Variants in CEP85L observed in about 807,000 individuals in gnomAD.
The protein encoded by CEP85L is centrosomal protein 85L.
Under a neutral mutation model 100.3 loss-of-function variants are expected in CEP85L, and 60 were observed. The observed-to-expected ratio is 0.60, with a 90% CI of 0.49 to 0.74. CEP85L has a LOEUF of 0.74. Among genes scored for constraint, CEP85L ranks in the 30% least tolerant of loss-of-function variants. The pLI is 0.00. For synonymous variants in CEP85L, 319 were observed against 322.7 expected (o/e 0.99, Z 0.12); for missense variants, 973 against 936.2 (o/e 1.04, Z -0.51).
intron 1 of CEP85L, chr6:118,646,852 C>T (rs1041811356): frequency 2.0e-4 from 160 of 807,970 alleles, no homozygotes; most frequent in Non-Finnish European, 2.4e-4. Context: ...TCTCTCAACC[C>T]TTTCTGTTCA....
At chr6:118,658,679 A>G (rs1177057364) in intron 1 of CEP85L, among the ~76,000 whole-genome samples, 1 of 152,178 alleles carries the variant, frequency 6.6e-6, no homozygotes, top group Non-Finnish European at 1.5e-5. Flanking sequence ...TTGTAAATAT[A>G]TGTTAAATAT....
chr6:118,566,187 T>A lies in CEP85L; in HGVS notation c.362A>T (p.Asp121Val), dbSNP rs571191729. 2 of 1,614,044 alleles carry A rather than the reference T, an allele frequency of 1.2e-6. No homozygotes were observed. Among genetic ancestry groups the A allele is most frequent in the African/African-American group, 1.3e-5 (1 of 74,912 alleles). ...GAGGCTTGTACTCCATTTTGAGCCATCTGGTGTCAATGATTCCCTAAGTTT... is the reference window on the plus strand; with the variant it reads ...GAGGCTTGTACTCCATTTTGAGCCAACTGGTGTCAATGATTCCCTAAGTTT... ...ISKLRESLTP[D>V]GSKWSTSLMQ... The change falls in exon 3 of 13, where the codon GAT (aspartate) becomes GTT (valine). Residue 121 changes from aspartate (D) to valine (V), a missense_variant. Physicochemically the swap from Asp to Val is radical, Grantham distance 152. This residue lies in a region of CEP85L where 890 missense variants were observed against 844.5 expected (regional missense o/e 1.05). Transcript: ENST00000368491.
intron 2 of CEP85L, among the ~76,000 whole-genome samples, chr6:118,567,681 T>G (rs989006880): frequency 6.6e-6 from 1 of 152,180 alleles, no homozygotes; most frequent in African/African-American, 2.4e-5. Flanking sequence ...TTGACTCTTA[T>G]ACCAGAAGAT....
rs533959646 is a variant in CEP85L, at chr6:118,498,311, T to C, written c.1258-6446A>G. ...GGGTTCGAGACCAGCCTAGGCAACA[T>C]AGTGAGACCCCCATATCTACAAAAA... On this transcript the variant is annotated intron_variant, in intron 5 of 12. Coordinates refer to ENST00000368491, the MANE Select transcript of CEP85L (RefSeq NM_001042475.3). Among the ~76,000 whole-genome samples the C allele has an allele frequency of 1.4e-3, 208 of 152,116 alleles. 7 individuals are homozygous for C. In the South Asian group the frequency reaches 0.04, roughly 30 times the overall value.
chr6:118,689,940 G>A (rs552564778), intron 1 of CEP85L, among the ~76,000 whole-genome samples: 56 of 144,116 alleles, frequency 3.9e-4, no homozygotes, highest in Non-Finnish European at 6.3e-4. Context: ...TTTTAATAGG[G>A]CTAGGGTCCC....
At chr6:118,703,638 C>T (rs943439952) in intron 1 of CEP85L, among the ~76,000 whole-genome samples, 1 of 152,164 alleles carries the variant, frequency 6.6e-6, no homozygotes, top group East Asian at 1.9e-4. Flanking sequence ...AAATATAATG[C>T]GATGGCTCAG....
intron 3 of CEP85L, among the ~76,000 whole-genome samples, chr6:118,558,197 C>T (rs1389512057): frequency 2.0e-5 from 3 of 152,158 alleles, no homozygotes; most frequent in African/African-American, 2.4e-5. Context: ...GGGAACTGCC[C>T]GCCTTGGCCT....
rs1781216926 is a variant in CEP85L, at chr6:118,592,020, C to A, written c.233-25704G>T. ...TTACGATTTCACAAGCAAAAAAGTTCTTTGTATAACCTCTGACCTGCTACC... is the reference window on the plus strand; with the variant it reads ...TTACGATTTCACAAGCAAAAAAGTTATTTGTATAACCTCTGACCTGCTACC... On this transcript the variant is annotated intron_variant, in intron 2 of 12. Transcript: ENST00000368491. 2.0e-5 allele frequency among the ~76,000 whole-genome samples: 3 copies of A among 152,136 alleles called. No homozygotes were observed. The South Asian group carries it at 6.2e-4, about 32-fold the overall frequency.
intron 2 of CEP85L, among the ~76,000 whole-genome samples, chr6:118,614,314 T>A (rs1437304547): frequency 2.6e-5 from 4 of 152,180 alleles, no homozygotes; most frequent in Non-Finnish European, 5.9e-5. Context: ...ATCTGTGTAA[T>A]CAGAAACAAG....
At chr6:118,549,970 G>A (rs1370946819) in intron 3 of CEP85L, among the ~76,000 whole-genome samples, 1 of 151,830 alleles carries the variant, frequency 6.6e-6, no homozygotes, top group South Asian at 2.1e-4. Context: ...GTCCCAACTA[G>A]TTCATCTATA....
chr6:118,661,352 T>A (rs1775967689), intron 1 of CEP85L, among the ~76,000 whole-genome samples: 1 of 152,074 alleles, frequency 6.6e-6, no homozygotes, highest in Non-Finnish European at 1.5e-5. Flanking sequence ...TTAGAACCTA[T>A]ATCCAGAGTA....
chr6:118,525,676 C>G (rs1776922871), intron 3 of CEP85L, among the ~76,000 whole-genome samples: 1 of 152,200 alleles, frequency 6.6e-6, no homozygotes, highest in Non-Finnish European at 1.5e-5. Flanking sequence ...AAGGAACCAA[C>G]TCTGCCAACA....
At chr6:118,667,750 C>G (rs1776177102) in intron 1 of CEP85L, among the ~76,000 whole-genome samples, 1 of 151,750 alleles carries the variant, frequency 6.6e-6, no homozygotes, top group South Asian at 2.1e-4. Context: ...TAGGTCATTA[C>G]TCCCAGCCCA....
chr6:118,678,752 C>T (rs567298511), intron 1 of CEP85L, among the ~76,000 whole-genome samples: 3 of 152,228 alleles, frequency 2.0e-5, no homozygotes, highest in South Asian at 4.1e-4. Context: ...GCCAACATGG[C>T]GAAACCCCAT....
In CEP85L at chr6:118,502,104, G is replaced by A. The variant is rs530732611; in HGVS notation, c.1257+9194C>T. On this transcript the variant is annotated intron_variant, in intron 5 of 12. Transcript: ENST00000368491. ...TAGGAGAGCCAGAATACTGCCCTAT[G>A]AGACTGGGAATGACAACTGGAAGAC... 1.6e-5 allele frequency: 17 copies of A among 1,059,744 alleles called. No individual in the cohort carries two copies. The Admixed American group carries it at 2.0e-4, about 13-fold the overall frequency. The allele number at this position is 1,059,744 out of a possible 1,614,324, so 65.6% of individuals were successfully genotyped here. A position where few individuals can be genotyped will look rare whatever the true frequency, so the allele number is the denominator to read the frequency against.
intron 2 of CEP85L, among the ~76,000 whole-genome samples, chr6:118,624,975 A>G (rs1459075568): frequency 6.6e-6 from 1 of 152,168 alleles, no homozygotes; most frequent in Non-Finnish European, 1.5e-5. Context: ...TCTCCTAACA[A>G]TCCAACTAAC....
chr6:118,560,687 A>T (rs987428442), intron 3 of CEP85L: 5 of 166,690 alleles, frequency 3.0e-5, no homozygotes, highest in African/African-American at 1.2e-4. Context: ...TAAATTATAG[A>T]TCCAGCTATG....
At chr6:118,471,242 T>C (rs1404855770) in intron 10 of CEP85L, among the ~76,000 whole-genome samples, 3 of 152,074 alleles carry the variant, frequency 2.0e-5, no homozygotes, top group Admixed American at 6.6e-5. Flanking sequence ...CATGACACTA[T>C]TGTGAGTACG....
chr6:118,584,244 C>T (rs549791544), intron 2 of CEP85L, among the ~76,000 whole-genome samples: 1 of 152,160 alleles, frequency 6.6e-6, no homozygotes, highest in Non-Finnish European at 1.5e-5. Flanking sequence ...AAACCCAAGG[C>T]CCAGCTCTGC....
Sources: allele counts gnomAD v4.1 joint callset (sites outside exome capture counted in the v4.1 genomes callset), GRCh38; gene constraint gnomAD v4.1.1; regional missense constraint gnomAD v4.1.1; transcripts MANE v1.5; gene names NCBI Gene and HGNC (gene_info 2026-07-23, HGNC 2026-07-21).